ODAD4: variants seen among roughly 807,000 people sequenced by gnomAD.
ODAD4 encodes the protein outer dynein arm-docking complex subunit 4.
In ODAD4, 49 loss-of-function variants were observed where a neutral mutation model predicts 51.8. The ratio of observed to expected loss-of-function variants is 0.95; its 90% confidence interval spans 0.75 to 1.20. The LOEUF is 1.20. Among genes scored for constraint, ODAD4 ranks in the 50% most tolerant of loss-of-function variants. The probability of loss-of-function intolerance (pLI) is 0.00; values close to 1 mark genes in which losing one functional copy is unlikely to be tolerated. For missense variants in ODAD4, 590 were observed against 586.5 expected, an observed-to-expected ratio of 1.01 and a Z score of -0.06; for synonymous variants, 235 against 221.3, an observed-to-expected ratio of 1.06 and a Z score of -0.55.
In ODAD4 at chr17:41,930,730, G is replaced by A. The variant is rs1316450777; in HGVS notation, c.7G>A (p.Asp3Asn). 4 of 1,607,414 alleles carry A rather than the reference G, an allele frequency of 2.5e-6. No individual in the cohort carries two copies. The highest frequency in any genetic ancestry group is 1.3e-5 in the African/African-American group (1 of 74,816). The change falls in exon 1 of 12, where the codon GAC becomes AAC. Residue 3 changes from aspartate to asparagine, a missense_variant. Coordinates refer to ENST00000377540, the MANE Select transcript of ODAD4 (RefSeq NM_031421.5). MS[D>N]PEGETLRSTF... ...GTCTCTAAATCCGGTCACCATGTCGGACCCCGAAGGCGAGACCTTGCGAAG... is the reference window on the plus strand; with the variant it reads ...GTCTCTAAATCCGGTCACCATGTCGAACCCCGAAGGCGAGACCTTGCGAAG...
chr17:41,935,685 G>A lies in ODAD4; in HGVS notation c.333G>A (p.Arg111=), dbSNP rs782239643. 2 of 1,613,822 alleles carry A rather than the reference G, an allele frequency of 1.2e-6. No homozygotes were observed. Among genetic ancestry groups the A allele is most frequent in the South Asian group, 2.2e-5 (2 of 91,030 alleles). The change falls in exon 3 of 12, where the codon AGG becomes AGA. Residue 111 remains arginine, a synonymous_variant. Coordinates refer to ENST00000377540, the MANE Select transcript of ODAD4 (RefSeq NM_031421.5). ...LVFYHRGYKL[R]PDREFRVGIQ... ...TCTATCATCGAGGCTACAAGCTGAG[G>A]CCTGATCGGGAATTCAGAGTTGGCA... is the stretch of plus-strand genomic sequence containing the variant.
chr17:41,932,535 G>T (rs1162059637), intron 1 of ODAD4, among the ~76,000 whole-genome samples: 5 of 148,978 alleles, frequency 3.4e-5, no homozygotes, highest in Non-Finnish European at 7.5e-5. Flanking sequence ...GGAAACTGTT[G>T]TTTTTTTTTT....
chr17:41,959,433 G>C (rs1484261832), intron 10 of ODAD4, among the ~76,000 whole-genome samples: 1 of 152,208 alleles, frequency 6.6e-6, no homozygotes. Context: ...TGCATAACTT[G>C]TGGGCAGCAA....
intron 5 of ODAD4, 169 bp downstream of exon 5, chr17:41,937,096 A>C (rs2050440477): frequency 3.9e-6 from 3 of 769,994 alleles, no homozygotes; most frequent in Non-Finnish European, 6.2e-6. Context: ...GGCGCAGACC[A>C]ACAGAAACTA....
chr17:41,932,736 T>C (rs1413399085), intron 1 of ODAD4, among the ~76,000 whole-genome samples: 1 of 150,630 alleles, frequency 6.6e-6, no homozygotes, highest in Non-Finnish European at 1.5e-5. Flanking sequence ...CTTTTTTTTT[T>C]TTTTTTTTGT....
chr17:41,940,779 A>C (rs1046556894), intron 7 of ODAD4, among the ~76,000 whole-genome samples: 1 of 152,232 alleles, frequency 6.6e-6, no homozygotes, highest in Non-Finnish European at 1.5e-5. Flanking sequence ...CAAATGAGTT[A>C]GAAATCTTTA....
At chr17:41,935,491 C>G in intron 2 of ODAD4, 108 bp from the exon 3 acceptor site, 4 of 1,506,238 alleles carry the variant, frequency 2.7e-6, no homozygotes, top group Non-Finnish European at 3.6e-6. Context: ...AAGTCCCTGC[C>G]CCCTGTATTC....
chr17:41,939,203 A>G (rs2050472840), intron 7 of ODAD4, 31 bp downstream of exon 7: 2 of 1,587,982 alleles, frequency 1.3e-6, no homozygotes, highest in African/African-American at 2.7e-5. Flanking sequence ...CACTGGCGTG[A>G]GCCTACGGAG....
Position 41,930,735 on chromosome 17 carries a change from C to G in ODAD4, c.12C>G (p.Pro4=), listed in dbSNP as rs782636640. The G allele has an allele frequency of 6.2e-7, 1 of 1,609,452 alleles. No individual in the cohort carries two copies. Among genetic ancestry groups the G allele is most frequent in the South Asian group, 1.1e-5 (1 of 90,150 alleles). The change falls in exon 1 of 12, where the codon CCC becomes CCG. Residue 4 remains proline, a synonymous_variant. Coordinates refer to ENST00000377540, the MANE Select transcript of ODAD4 (RefSeq NM_031421.5). ...TAAATCCGGTCACCATGTCGGACCC[C>G]GAAGGCGAGACCTTGCGAAGCACCT... The part of the protein sequence containing the change: MSD[P]EGETLRSTFP...
chr17:41,939,202 G>A, intron 7 of ODAD4, 30 bp downstream of exon 7: 2 of 1,587,674 alleles, frequency 1.3e-6, no homozygotes, highest in Non-Finnish European at 1.7e-6. Flanking sequence ...CCACTGGCGT[G>A]AGCCTACGGA....
intron 10 of ODAD4, among the ~76,000 whole-genome samples, chr17:41,956,514 G>A (rs1030709713): frequency 7.7e-5 from 10 of 130,422 alleles, no homozygotes; most frequent in Non-Finnish European, 1.4e-4. Flanking sequence ...TTTAAATAGA[G>A]ATGGGGCCAT....
At chr17:41,952,196 A>G (rs2050663414) in intron 9 of ODAD4, among the ~76,000 whole-genome samples, 2 of 151,572 alleles carry the variant, frequency 1.3e-5, no homozygotes, top group South Asian at 4.2e-4. Context: ...GTGAAACCCC[A>G]TCTCTACTAA....
intron 5 of ODAD4, 138 bp downstream of exon 5, chr17:41,937,065 T>TC: frequency 9.3e-7 from 1 of 1,073,374 alleles, no homozygotes; most frequent in Non-Finnish European, 1.4e-6. Context: ...AGCATTCTCA[T>TC]TTTACAGATG....
chr17:41,942,347 A>G (rs2050518284), intron 7 of ODAD4, among the ~76,000 whole-genome samples: 1 of 152,212 alleles, frequency 6.6e-6, no homozygotes, highest in Admixed American at 6.5e-5. Flanking sequence ...TTGCTAGATT[A>G]GCCACTTACT....
chr17:41,938,774 T>C lies in ODAD4; in HGVS notation c.843T>C (p.Ile281=), dbSNP rs1555638265. 1 of 1,612,916 alleles carries C rather than the reference T, an allele frequency of 6.2e-7. No homozygotes were observed. The highest frequency in any genetic ancestry group is 8.5e-7 in the Non-Finnish European group (1 of 1,179,796). The change falls in exon 6 of 12, where the codon ATT becomes ATC. Residue 281 remains isoleucine (I), a synonymous_variant. Transcript: ENST00000377540. ...ACATCCTCAAGAGCCTGGAGGACAT[T>C]GATATGTGTAGGTGTTGTTCTCAGA... ...AHYILKSLED[I]DMLLTSGSAE...
At chr17:41,963,669 T>C (rs1292523863) in intron 11 of ODAD4, among the ~76,000 whole-genome samples, 1 of 151,912 alleles carries the variant, frequency 6.6e-6, no homozygotes, top group Non-Finnish European at 1.5e-5. Context: ...AACGGAGTCT[T>C]GTTCTGTCAT....
intron 7 of ODAD4, among the ~76,000 whole-genome samples, chr17:41,943,612 A>G (rs373476958): frequency 8.6e-4 from 131 of 152,340 alleles, no homozygotes; most frequent in African/African-American, 3.0e-3. Context: ...GAATGTCATC[A>G]GTTAAGGCTA....
chr17:41,961,443 A>C lies in ODAD4; in HGVS notation c.1505A>C (p.Asn502Thr). Residue 502 changes from asparagine (N) to threonine (T), a missense_variant, in exon 11 of 12, where the codon AAT becomes ACT. By Grantham distance (65) the Asn-to-Thr change is moderately conservative. This residue lies in a region of ODAD4 where 226 missense variants were observed against 162.7 expected (regional missense o/e 1.39). Coordinates refer to ENST00000377540, the MANE Select transcript of ODAD4 (RefSeq NM_031421.5). ...RELRKTNYVE[N>T]LKEKSEGEAS... ...CTGAGGAAAACCAACTACGTGGAGA[A>C]TCTCAAAGAAAAAAGCGAGGGAGGT... 1 of 734,154 alleles carries C rather than the reference A, an allele frequency of 1.4e-6. No homozygotes were observed. The highest frequency in any genetic ancestry group is 1.5e-5 in the South Asian group (1 of 68,304). 45.5% of individuals were successfully genotyped at this position (734,154 alleles called of 1,614,324 possible).
intron 10 of ODAD4, 78 bp from the exon 11 acceptor site, chr17:41,961,304 T>C (rs2050802343): frequency 1.4e-6 from 1 of 696,160 alleles, no homozygotes. Context: ...AGCCCTGCCT[T>C]CTGGGATTGA....
Sources: allele counts gnomAD v4.1 joint callset (sites outside exome capture counted in the v4.1 genomes callset), GRCh38; gene constraint gnomAD v4.1.1; regional missense constraint gnomAD v4.1.1; transcripts MANE v1.5; gene names NCBI Gene and HGNC (gene_info 2026-07-23, HGNC 2026-07-21).